Variants in SLC9A4 observed in about 807,000 individuals in gnomAD.
SLC9A4 encodes the protein sodium/hydrogen exchanger 4.
Under a neutral mutation model 67.4 loss-of-function variants are expected in SLC9A4, and 63 were observed. The ratio of observed to expected loss-of-function variants is 0.93; its 90% confidence interval spans 0.76 to 1.15. The LOEUF (loss-of-function observed/expected upper bound fraction) is 1.15, where lower values mean the gene tolerates loss of function less well. Among genes scored for constraint, SLC9A4 ranks in the 50% most tolerant of loss-of-function variants. SLC9A4 has a pLI of 0.00. For synonymous variants in SLC9A4, 393 were observed against 367.2 expected (o/e 1.07, Z -0.80); for missense variants, 1,089 against 987.7 (o/e 1.10, Z -1.38).
intron 9 of SLC9A4, among the ~76,000 whole-genome samples, chr2:102,521,413 A>T (rs925325776): frequency 6.6e-6 from 1 of 152,192 alleles, no homozygotes; most frequent in Non-Finnish European, 1.5e-5. Context: ...ATTAAAGCAC[A>T]AAGGCCTCTT....
At chr2:102,490,787 T>G (rs781224791) in intron 2 of SLC9A4, among the ~76,000 whole-genome samples, 5 of 152,212 alleles carry the variant, frequency 3.3e-5, no homozygotes, top group Non-Finnish European at 5.9e-5. Context: ...TTGATTATGC[T>G]GTGTAATAAG....
intron 9 of SLC9A4, among the ~76,000 whole-genome samples, chr2:102,524,343 C>T (rs1056232282): frequency 9.2e-5 from 14 of 152,194 alleles, no homozygotes; most frequent in African/African-American, 3.1e-4. Flanking sequence ...TTCAGTTAAG[C>T]ATTTTGCAAA....
intron 3 of SLC9A4, among the ~76,000 whole-genome samples, chr2:102,505,022 C>T (rs1038617832): frequency 2.0e-5 from 3 of 152,188 alleles, no homozygotes; most frequent in African/African-American, 2.4e-5. Context: ...TTTATTTCAC[C>T]GTGCCACGCC....
intron 11 of SLC9A4, among the ~76,000 whole-genome samples, chr2:102,530,303 G>A (rs1674752373): frequency 6.6e-6 from 1 of 152,146 alleles, no homozygotes; most frequent in Admixed American, 6.5e-5. Context: ...TTTTGGTCAG[G>A]TGGGAGGTAA....
intron 2 of SLC9A4, among the ~76,000 whole-genome samples, chr2:102,493,279 C>T (rs1684741251): frequency 6.6e-6 from 1 of 151,948 alleles, no homozygotes; most frequent in Non-Finnish European, 1.5e-5. Flanking sequence ...TAGTAGTACC[C>T]CACTCTACCT....
In SLC9A4 at chr2:102,508,936, A is replaced by G; in HGVS notation, c.1488+3A>G. On this transcript the variant is annotated splice_donor_region_variant and intron_variant, in intron 6 of 11. Coordinates refer to ENST00000295269, the MANE Select transcript of SLC9A4 (RefSeq NM_001011552.4). ...TCAATGAAGAGCTTCATATTCGTGTAAGTTATCTCATAGTCACAATTAATA... is the reference window on the plus strand; with the variant it reads ...TCAATGAAGAGCTTCATATTCGTGTGAGTTATCTCATAGTCACAATTAATA... 1 of 1,603,558 alleles carries G rather than the reference A, an allele frequency of 6.2e-7. No individual in the cohort carries two copies. The highest frequency in any genetic ancestry group is 8.5e-7 in the Non-Finnish European group (1 of 1,173,620).
At chr2:102,512,020 G>T (rs1453841313) in intron 6 of SLC9A4, among the ~76,000 whole-genome samples, 183 bp from the exon 7 acceptor site, 1 of 152,126 alleles carries the variant, frequency 6.6e-6, no homozygotes, top group African/African-American at 2.4e-5. Context: ...AACCAAAGTT[G>T]AAATTACTAT....
intron 8 of SLC9A4, among the ~76,000 whole-genome samples, chr2:102,516,357 T>A (rs1385874667): frequency 6.6e-6 from 1 of 152,188 alleles, no homozygotes; most frequent in Non-Finnish European, 1.5e-5. Flanking sequence ...TAAATTGCCT[T>A]TATTTGATCT....
intron 1 of SLC9A4, among the ~76,000 whole-genome samples, chr2:102,477,732 G>A (rs765644046): frequency 3.3e-5 from 5 of 152,120 alleles, no homozygotes; most frequent in South Asian, 2.1e-4. Flanking sequence ...CAGTGACAAC[G>A]GAATGAGAAG....
intron 1 of SLC9A4, among the ~76,000 whole-genome samples, chr2:102,478,477 A>G (rs1366014818): frequency 1.3e-5 from 2 of 152,228 alleles, no homozygotes; most frequent in Non-Finnish European, 2.9e-5. Flanking sequence ...GGTTTTGGTG[A>G]CTATGATAGA....
chr2:102,499,101 C>T (rs1331190570), intron 2 of SLC9A4, among the ~76,000 whole-genome samples: 1 of 152,136 alleles, frequency 6.6e-6, no homozygotes, highest in East Asian at 1.9e-4. Flanking sequence ...ATCAGGAACC[C>T]ACAGGCTGAA....
intron 4 of SLC9A4, 60 bp downstream of exon 4, chr2:102,505,531 C>A (rs1685033762): frequency 2.6e-6 from 4 of 1,528,372 alleles, no homozygotes; most frequent in Non-Finnish European, 3.6e-6. Context: ...TCTCTTATTC[C>A]CTTCCGCAAT....
intron 1 of SLC9A4, among the ~76,000 whole-genome samples, chr2:102,478,517 A>T (rs1372025495): frequency 1.3e-5 from 2 of 152,218 alleles, no homozygotes; most frequent in Non-Finnish European, 2.9e-5. Flanking sequence ...CTGGGCTTGC[A>T]CGAGTGCAAA....
At chr2:102,478,804 T>C (rs1684387454) in intron 1 of SLC9A4, 35 bp from the exon 2 acceptor site, 1 of 1,594,892 alleles carries the variant, frequency 6.3e-7, no homozygotes, top group African/African-American at 1.3e-5. Context: ...ACCGTTTCGT[T>C]TGCAAGCACC....
At chr2:102,481,097 G>A (rs563487939) in intron 2 of SLC9A4, among the ~76,000 whole-genome samples, 1 of 152,258 alleles carries the variant, frequency 6.6e-6, no homozygotes, top group South Asian at 2.1e-4. Context: ...TGGTTTGGCT[G>A]GGGCACCTTA....
intron 2 of SLC9A4, among the ~76,000 whole-genome samples, chr2:102,501,625 A>C (rs1181007128): frequency 2.0e-5 from 3 of 152,064 alleles, no homozygotes; most frequent in Non-Finnish European, 4.4e-5. Context: ...TGGAGGGGCC[A>C]GAACTAGCTA....
At chr2:102,496,441 T>C (rs1407209977) in intron 2 of SLC9A4, among the ~76,000 whole-genome samples, 1 of 151,608 alleles carries the variant, frequency 6.6e-6, no homozygotes, top group East Asian at 1.9e-4. Context: ...ATAGGGTTTG[T>C]CCAAATCTAC....
intron 4 of SLC9A4, among the ~76,000 whole-genome samples, chr2:102,507,695 C>T (rs548457908): frequency 1.5e-4 from 23 of 152,240 alleles, no homozygotes; most frequent in African/African-American, 5.5e-4. Context: ...GATAAGAATG[C>T]ATTTATCCCC....
At chr2:102,506,987 T>C (rs1430263078) in intron 4 of SLC9A4, among the ~76,000 whole-genome samples, 1 of 152,164 alleles carries the variant, frequency 6.6e-6, no homozygotes, top group African/African-American at 2.4e-5. Context: ...TCATCACAAC[T>C]AATAGTAGTT....
Sources: gnomAD v4.1 joint callset for allele counts (sites outside exome capture counted in the v4.1 genomes callset) on GRCh38, gnomAD v4.1.1 for gene constraint, MANE v1.5 for transcripts, NCBI Gene and HGNC (gene_info 2026-07-23, HGNC 2026-07-21) for gene names.